Variants in LACTBL1 observed in about 807,000 individuals in gnomAD.
LACTBL1 encodes the protein lactamase beta like 1, also known as beta-lactamase-like protein 1.
In LACTBL1, 29 loss-of-function variants were observed where a neutral mutation model predicts 39.6. That is an observed-to-expected ratio of 0.73 (90% CI 0.55 to 1.00). LACTBL1 has a LOEUF of 1.00. Among genes scored for constraint, LACTBL1 ranks in the 50% least tolerant of loss-of-function variants. LACTBL1 has a pLI of 0.00. For synonymous variants in LACTBL1, 361 were observed against 360.7 expected (o/e 1.00, Z -0.01); for missense variants, 711 against 748.5 (o/e 0.95, Z 0.59).
chr1:22,953,612 G>T, exon 6 of LACTBL1: 14 of 1,264,910 alleles, frequency 1.1e-5, no homozygotes, highest in South Asian at 3.3e-5. Flanking sequence ...CGCACCACGC[G>T]GTAGCCCCGC....
At chr1:22,965,937 G>A (rs576336664), upstream of LACTBL1, among the ~76,000 whole-genome samples, 7 of 152,300 alleles carry the variant, frequency 4.6e-5, no homozygotes, top group African/African-American at 1.2e-4. Context: ...GCCAGGGGAT[G>A]GGGGTAGCAA....
At chr1:22,956,536 G>A (rs912840575) in intron 4 of LACTBL1, among the ~76,000 whole-genome samples, 34 of 152,102 alleles carry the variant, frequency 2.2e-4, no homozygotes, top group African/African-American at 7.5e-4. Flanking sequence ...TGGAGTTGAT[G>A]GGTTTATGAC....
the LACTBL1 span, among the ~76,000 whole-genome samples, chr1:22,971,497 G>A: frequency 1.5e-5 from 2 of 135,094 alleles, no homozygotes; most frequent in Admixed American, 7.2e-5. Context: ...CCTATAACAC[G>A]GCTCCACCAC....
At chr1:22,970,749 G>A in the LACTBL1 span, among the ~76,000 whole-genome samples, 2 of 145,866 alleles carry the variant, frequency 1.4e-5, no homozygotes, top group South Asian at 2.4e-4. Flanking sequence ...ATTAGAGGCC[G>A]TAGTGAGCTA....
chr1:22,972,247 G>T, the LACTBL1 span: 1 of 971,036 alleles, frequency 1.0e-6, no homozygotes, highest in Non-Finnish European at 1.2e-6. Context: ...ACGGTGGCAT[G>T]GTCAGACATG....
intron 4 of LACTBL1, among the ~76,000 whole-genome samples, chr1:22,956,441 C>A (rs963155857): frequency 6.6e-6 from 1 of 152,082 alleles, no homozygotes; most frequent in Admixed American, 6.6e-5. Flanking sequence ...GGAGTGACAC[C>A]AACCACATCC....
At chr1:22,953,322 G>A in exon 6 of LACTBL1, 1 of 1,225,720 alleles carries the variant, frequency 8.2e-7, no homozygotes. Context: ...GCCCGAACTG[G>A]CGCAGGCGCA....
chr1:22,960,488 G>A (rs1201585421), intron 2 of LACTBL1, among the ~76,000 whole-genome samples: 1 of 151,864 alleles, frequency 6.6e-6, no homozygotes, highest in Non-Finnish European at 1.5e-5. Context: ...ATGGTGGCGG[G>A]CGCCTGTAAT....
At position 22,959,184 on chromosome 1, in the gene LACTBL1, GA is replaced by G. The variant is rs201071859; in HGVS notation, c.318-265del. On this transcript the variant is annotated intron_variant, in intron 3 of 5. Coordinates refer to ENST00000426928, the Ensembl canonical transcript of LACTBL1. ...CCATTTCCCATTCAGGGACAGACCT[GA>G]GTTTGGATGGTGTCTCTGCCTCTCA... Among the ~76,000 whole-genome samples the G allele has an allele frequency of 9.4e-4, 143 of 152,336 alleles. 2 individuals carry two copies. In the East Asian group the frequency reaches 0.026, roughly 28 times the overall value.
intron 1 of LACTBL1, 51 bp downstream of exon 3, chr1:22,965,239 G>A (rs1640864467): frequency 1.5e-6 from 2 of 1,291,808 alleles, no homozygotes; most frequent in African/African-American, 1.5e-5. Context: ...TCAAAGCCCA[G>A]GAGGACCCAG....
At chr1:22,968,666 TC>T (rs2124243984), upstream of LACTBL1, among the ~76,000 whole-genome samples, 1 of 152,280 alleles carries the variant, frequency 6.6e-6, no homozygotes, top group East Asian at 1.9e-4. Context: ...TAGTGGTGAA[TC>T]CATGGCCAGA....
chr1:22,953,183 A>C, exon 6 of LACTBL1: 2 of 1,232,142 alleles, frequency 1.6e-6, no homozygotes, highest in Non-Finnish European at 2.0e-6. Context: ...GCCTCGAGCG[A>C]GAGCCACGCG....
exon 2 of LACTBL1, chr1:22,963,145 C>T: frequency 1.5e-6 from 2 of 1,291,576 alleles, no homozygotes; most frequent in Non-Finnish European, 2.0e-6. Context: ...AGTGGGTGAG[C>T]CAGGGGCACG....
chr1:22,955,157 G>T (rs549072684), intron 5 of LACTBL1, among the ~76,000 whole-genome samples, 164 bp downstream of exon 7: 1 of 152,304 alleles, frequency 6.6e-6, no homozygotes, highest in African/African-American at 2.4e-5. Context: ...GCTCTCCCCT[G>T]TCTTGCTGGC....
intron 3 of LACTBL1, among the ~76,000 whole-genome samples, chr1:22,959,425 CCTCAGGA>C (rs1640795420): frequency 6.6e-6 from 1 of 152,232 alleles, no homozygotes; most frequent in Non-Finnish European, 1.5e-5. Context: ...AATGCAATTC[CCTCAGGA>C]CTCCTGTAAA....
chr1:22,960,494 G>C (rs1375651440), intron 2 of LACTBL1, among the ~76,000 whole-genome samples: 11 of 151,916 alleles, frequency 7.2e-5, no homozygotes, highest in Admixed American at 7.2e-4. Context: ...GCGGGCGCCT[G>C]TAATCCCAGC....
chr1:22,959,113 G>A (rs767841285), intron 3 of LACTBL1, among the ~76,000 whole-genome samples, 193 bp from the exon 6 acceptor site: 4 of 152,322 alleles, frequency 2.6e-5, no homozygotes, highest in Middle Eastern at 3.4e-3. Flanking sequence ...ACCAGAAGCC[G>A]AGGGGCTGAG....
the LACTBL1 span, chr1:22,972,240 G>A: frequency 1.3e-5 from 12 of 956,162 alleles, no homozygotes; most frequent in Non-Finnish European, 1.5e-5. Flanking sequence ...CAGAAGGACG[G>A]TGGCATGGTC....
chr1:22,959,386 C>T (rs1052054905), intron 3 of LACTBL1, among the ~76,000 whole-genome samples: 1 of 152,250 alleles, frequency 6.6e-6, no homozygotes. Flanking sequence ...CTGTTGGCCC[C>T]ATGCCTGGCA....
Sources: gnomAD v4.1 joint callset for allele counts (sites outside exome capture counted in the v4.1 genomes callset) on GRCh38, gnomAD v4.1.1 for gene constraint, MANE v1.5 for transcripts, NCBI Gene and HGNC (gene_info 2026-07-23, HGNC 2026-07-21) for gene names.